Variants in CADPS2 observed in about 807,000 individuals in gnomAD.
The protein encoded by CADPS2 is calcium dependent secretion activator 2.
Under a neutral mutation model 172.5 loss-of-function variants are expected in CADPS2, and 93 were observed. That is an observed-to-expected ratio of 0.54 (90% CI 0.46 to 0.64). The LOEUF is 0.64. Ranked by LOEUF, CADPS2 falls within the 30% of genes least tolerant of loss-of-function variation. The pLI is 0.00. For missense variants in CADPS2, 1,420 were observed against 1,565.9 expected (o/e 0.91, Z 1.57); for synonymous variants, 546 against 555.2 (o/e 0.98, Z 0.23).
At chr7:122,458,133 T>C (rs2054011112) in intron 14 of CADPS2, among the ~76,000 whole-genome samples, 1 of 152,172 alleles carries the variant, frequency 6.6e-6, no homozygotes, top group Non-Finnish European at 1.5e-5. Flanking sequence ...CATCTTAGCT[T>C]CCTCTAGGGA....
intron 2 of CADPS2, among the ~76,000 whole-genome samples, chr7:122,714,110 A>G (rs1371716373): frequency 1.3e-5 from 2 of 152,088 alleles, no homozygotes; most frequent in African/African-American, 2.4e-5. Flanking sequence ...CAGAAAGCAA[A>G]TGTTTGTATA....
At chr7:122,409,499 C>T in intron 19 of CADPS2, 1 of 299,332 alleles carries the variant, frequency 3.3e-6, no homozygotes, top group Non-Finnish European at 7.5e-6. Context: ...TTCAGGTTGG[C>T]AAGATTTTGC....
Position 122,737,049 on chromosome 7 carries a change from T to G in CADPS2, c.359A>C (p.Gln120Pro). The change falls in exon 2 of 30, where the codon CAG (glutamine) becomes CCG (proline). Residue 120 changes from glutamine (Q) to proline (P), a missense_variant. By Grantham distance (76) the Gln-to-Pro change is moderately conservative. Transcript: ENST00000449022. Reference sequence around the variant, plus strand: ...GGCCTGGAACCGTTCTTTCAGTAACTGCAACTGTTGTTTGTTAAGCTACAA... The same window carrying G: ...GGCCTGGAACCGTTCTTTCAGTAACGGCAACTGTTGTTTGTTAAGCTACAA... The part of the protein sequence containing the change: ...RQQKLNKQQL[Q>P]LLKERFQAFL... 1 of 1,600,036 alleles carries G rather than the reference T, an allele frequency of 6.2e-7. No individual in the cohort carries two copies. Among genetic ancestry groups the G allele is most frequent in the Non-Finnish European group, 8.6e-7 (1 of 1,167,770 alleles).
chr7:122,414,188 T>C (rs570111349), intron 18 of CADPS2, 112 bp from the exon 19 acceptor site: 162 of 624,440 alleles, frequency 2.6e-4, no homozygotes, highest in South Asian at 2.1e-3. Context: ...GTATATCGTA[T>C]AGTGATATTT....
At chr7:122,414,024 G>T in intron 19 of CADPS2, 44 bp downstream of exon 19, 1 of 1,503,392 alleles carries the variant, frequency 6.7e-7, no homozygotes, top group Non-Finnish European at 9.0e-7. Flanking sequence ...TCACATAAAA[G>T]AGGTATCCTA....
chr7:122,441,802 C>T (rs536915002), intron 15 of CADPS2, among the ~76,000 whole-genome samples: 93 of 152,134 alleles, frequency 6.1e-4, no homozygotes, highest in Non-Finnish European at 1.1e-3. Flanking sequence ...AGGTTTTAAA[C>T]GTTTTGATGA....
intron 1 of CADPS2, among the ~76,000 whole-genome samples, chr7:122,750,891 TTA>T (rs2092925493): frequency 6.6e-6 from 1 of 152,132 alleles, no homozygotes; most frequent in South Asian, 2.1e-4. Flanking sequence ...GAGATGGTAA[TTA>T]TGAGTTAAGA....
At chr7:122,755,729 TA>T (rs775668115) in intron 1 of CADPS2, among the ~76,000 whole-genome samples, 1,588 of 136,802 alleles carry the variant, frequency 0.012, 8 homozygotes, top group African/African-American at 0.025. Context: ...TTAGAGAGGC[TA>T]AAAAAAAAAA....
chr7:122,733,663 C>G (rs965687379), intron 2 of CADPS2, among the ~76,000 whole-genome samples: 1 of 151,990 alleles, frequency 6.6e-6, no homozygotes, highest in African/African-American at 2.4e-5. Context: ...AACTTTGGGA[C>G]TTCAGGAACT....
At chr7:122,765,112 A>G (rs2093505611) in intron 1 of CADPS2, among the ~76,000 whole-genome samples, 1 of 152,160 alleles carries the variant, frequency 6.6e-6, no homozygotes, top group African/African-American at 2.4e-5. Flanking sequence ...GATTATACCA[A>G]TTGGGCTGTA....
intron 1 of CADPS2, among the ~76,000 whole-genome samples, chr7:122,743,308 T>C (rs1208455853): frequency 6.6e-6 from 1 of 152,192 alleles, no homozygotes; most frequent in Non-Finnish European, 1.5e-5. Context: ...AGGTGTCTCA[T>C]GTTTCCTGTT....
At chr7:122,882,350 T>C (rs1823136067) in intron 1 of CADPS2, among the ~76,000 whole-genome samples, 1 of 152,178 alleles carries the variant, frequency 6.6e-6, no homozygotes, top group Admixed American at 6.5e-5. Context: ...ATGAATTATA[T>C]GGAAGGTTAG....
intron 4 of CADPS2, among the ~76,000 whole-genome samples, chr7:122,628,239 T>C (rs1261506777): frequency 1.3e-5 from 2 of 152,178 alleles, no homozygotes; most frequent in Non-Finnish European, 2.9e-5. Context: ...TTTAAAAACA[T>C]TATGTATTAA....
intron 9 of CADPS2, among the ~76,000 whole-genome samples, chr7:122,511,764 A>G (rs1273813733): frequency 6.6e-6 from 1 of 152,202 alleles, no homozygotes; most frequent in Non-Finnish European, 1.5e-5. Context: ...CTTGATAAAG[A>G]CAAGTCACTA....
At chr7:122,570,401 G>A (rs2067076342) in intron 7 of CADPS2, among the ~76,000 whole-genome samples, 1 of 149,270 alleles carries the variant, frequency 6.7e-6, no homozygotes, top group African/African-American at 2.5e-5. Flanking sequence ...TGGAGAGGAT[G>A]TGGAGAAATA....
chr7:122,699,827 G>A (rs996561526), intron 2 of CADPS2, among the ~76,000 whole-genome samples: 2 of 152,050 alleles, frequency 1.3e-5, no homozygotes, highest in East Asian at 1.9e-4. Flanking sequence ...AGGGTGTCAA[G>A]GGAAAGATTA....
intron 2 of CADPS2, chr7:122,701,725 G>C (rs1248704463): frequency 2.9e-6 from 2 of 688,810 alleles, no homozygotes. Context: ...TTCATACTTG[G>C]GTAGAGAAGC....
At chr7:122,532,659 A>G (rs1229841314) in intron 8 of CADPS2, among the ~76,000 whole-genome samples, 1 of 151,414 alleles carries the variant, frequency 6.6e-6, no homozygotes, top group East Asian at 2.0e-4. Flanking sequence ...TCCAGTATCC[A>G]CACTTTTGAG....
chr7:122,654,232 T>C (rs934902683), intron 3 of CADPS2, among the ~76,000 whole-genome samples: 2 of 152,234 alleles, frequency 1.3e-5, no homozygotes, highest in Non-Finnish European at 2.9e-5. Context: ...AGTGCTGATG[T>C]AGAAGCTGCA....
Sources: allele counts gnomAD v4.1 joint callset (sites outside exome capture counted in the v4.1 genomes callset), GRCh38; gene constraint gnomAD v4.1.1; transcripts MANE v1.5; gene names NCBI Gene and HGNC (gene_info 2026-07-23, HGNC 2026-07-21).